Variants in ZNF469 observed in about 807,000 individuals in gnomAD.
ZNF469 encodes zinc finger protein 469.
Under a neutral mutation model 1.0 loss-of-function variants are expected in ZNF469, and 1 was observed. That is an observed-to-expected ratio of 1.00 (90% CI 0.35 to 4.73). The LOEUF (loss-of-function observed/expected upper bound fraction) is 4.73. Ranked by LOEUF, ZNF469 falls within the 30% of genes most tolerant of loss-of-function variation. The pLI, the probability that ZNF469 is intolerant of heterozygous loss-of-function variation, is 0.16. For synonymous variants in ZNF469, 2,703 were observed against 2,363.4 expected, an observed-to-expected ratio of 1.14 and a Z score of -4.17; for missense variants, 6,100 against 5,356.3, an observed-to-expected ratio of 1.14 and a Z score of -4.33.
chr16:88,437,205 C>G lies in ZNF469; in HGVS notation c.9735C>G (p.Ala3245=). 1.3e-6 allele frequency: 2 copies of G among 1,549,454 alleles called. No individual in the cohort carries two copies. Among genetic ancestry groups the G allele is most frequent in the Non-Finnish European group, 1.7e-6 (2 of 1,146,530 alleles). Residue 3245 remains alanine, a synonymous_variant, in exon 3 of 3, where the codon GCC becomes GCG. Coordinates refer to ENST00000565624, the MANE Select transcript of ZNF469 (RefSeq NM_001367624.2). ...AACACCACAGGGGCAAGCGCTCCGC[C>G]GGCAAGGCCGCCGGGAGCCCGGGAG... is the stretch of plus-strand genomic sequence containing the variant. The part of the protein sequence containing the change: ...APKHHRGKRS[A]GKAAGSPGDP...
chr16:88,180,635 G>A, the ZNF469 span, among the ~76,000 whole-genome samples: 6 of 152,122 alleles, frequency 3.9e-5, no homozygotes, highest in East Asian at 1.9e-4. Flanking sequence ...TTAGCCGGGC[G>A]TGGTAGTGGG....
chr16:88,427,261 C>A (rs577811807), intron 2 of ZNF469, among the ~76,000 whole-genome samples, 84 bp from the exon 3 acceptor site: 1 of 152,308 alleles, frequency 6.6e-6, no homozygotes, highest in African/African-American at 2.4e-5. Context: ...CCGGCCACAC[C>A]CGCATGGAGA....
the ZNF469 span, among the ~76,000 whole-genome samples, chr16:88,297,503 C>A: frequency 1.2e-3 from 176 of 152,336 alleles, no homozygotes; most frequent in African/African-American, 4.0e-3. Flanking sequence ...CTCACTGCCG[C>A]TGAGTCTCTC....
chr16:88,375,697 C>A, the ZNF469 span, among the ~76,000 whole-genome samples: 1 of 152,248 alleles, frequency 6.6e-6, no homozygotes, highest in South Asian at 2.1e-4. Flanking sequence ...AGGCATGAGG[C>A]GCACTGTCCT....
chr16:88,256,664 TC>T, the ZNF469 span, among the ~76,000 whole-genome samples: 1 of 152,106 alleles, frequency 6.6e-6, no homozygotes, highest in African/African-American at 2.4e-5. Flanking sequence ...CATTTTGCAT[TC>T]CCATCAGCAA....
chr16:88,279,227 C>G, the ZNF469 span, among the ~76,000 whole-genome samples: 1 of 135,414 alleles, frequency 7.4e-6, no homozygotes, highest in Non-Finnish European at 1.7e-5. Context: ...TTGTAGATAT[C>G]ACTGCACGGT....
At chr16:88,139,872 A>C in the ZNF469 span, among the ~76,000 whole-genome samples, 355 of 152,332 alleles carry the variant, frequency 2.3e-3, 1 homozygote, top group African/African-American at 7.5e-3. Context: ...ACAGAACCCC[A>C]GGCCAGAGGA....
chr16:88,317,701 C>G, the ZNF469 span, among the ~76,000 whole-genome samples: 1 of 152,254 alleles, frequency 6.6e-6, no homozygotes, highest in African/African-American at 2.4e-5. Context: ...GTCCTCTCAA[C>G]CACAGGAAGT....
At chr16:88,330,320 G>C in the ZNF469 span, among the ~76,000 whole-genome samples, 1 of 152,334 alleles carries the variant, frequency 6.6e-6, no homozygotes, top group South Asian at 2.1e-4. Context: ...TGTGTGTACT[G>C]TCGGATACGG....
chr16:88,136,530 C>G, the ZNF469 span, among the ~76,000 whole-genome samples: 1 of 152,228 alleles, frequency 6.6e-6, no homozygotes. Flanking sequence ...GTTGTGTGCT[C>G]CTGGTCAGCA....
the ZNF469 span, among the ~76,000 whole-genome samples, chr16:88,336,321 G>A: frequency 4.1e-5 from 6 of 146,958 alleles, no homozygotes; most frequent in East Asian, 2.0e-4. Flanking sequence ...CATCCTTCAC[G>A]TGAGACACTA....
chr16:88,152,465 C>A, the ZNF469 span, among the ~76,000 whole-genome samples: 1 of 152,098 alleles, frequency 6.6e-6, no homozygotes, highest in Admixed American at 6.5e-5. The surrounding 1 kb of genome is among the most constrained non-coding windows in gnomAD (Gnocchi z 4.2). Context: ...TTTTGGCTGC[C>A]CCCGCGGTCC....
At chr16:88,236,646 C>T in the ZNF469 span, among the ~76,000 whole-genome samples, 1 of 152,214 alleles carries the variant, frequency 6.6e-6, no homozygotes, top group East Asian at 1.9e-4. Flanking sequence ...GCAGGTGGAT[C>T]ACCTGAGGTC....
At chr16:88,368,655 A>T in the ZNF469 span, among the ~76,000 whole-genome samples, 66 of 151,810 alleles carry the variant, frequency 4.3e-4, no homozygotes, top group Non-Finnish European at 1.0e-4. Context: ...TAGCCTGGAG[A>T]GAGAGTGGCC....
At chr16:88,338,505 C>T in the ZNF469 span, among the ~76,000 whole-genome samples, 2 of 152,172 alleles carry the variant, frequency 1.3e-5, no homozygotes, top group Non-Finnish European at 2.9e-5. Context: ...AAGTATTGGG[C>T]CGTCTGTAGA....
the ZNF469 span, among the ~76,000 whole-genome samples, chr16:88,239,687 ATATATATATATATATATATATATATATAT>A: frequency 1.2e-4 from 1 of 8,544 alleles, no homozygotes. Context: ...ATATATATAT[ATATATATATATATATATATATATATATAT>A]TTTTTTTTTT....
chr16:88,436,628 T>C lies in ZNF469; in HGVS notation c.9158T>C (p.Phe3053Ser). The C allele has an allele frequency of 6.5e-7, 1 of 1,550,318 alleles. No homozygotes were observed. Among genetic ancestry groups the C allele is most frequent in the Non-Finnish European group, 8.7e-7 (1 of 1,146,950 alleles). ...ATDFEVLSTKFEMQDLCFLGP... is the reference protein window; with the variant it reads ...ATDFEVLSTKSEMQDLCFLGP... ...GACTTTGAGGTGCTCAGCACCAAGT[T>C]TGAGATGCAAGACCTGTGCTTTCTG... is the stretch of plus-strand genomic sequence containing the variant. Residue 3053 changes from phenylalanine (F) to serine (S), a missense_variant, in exon 3 of 3, where the codon TTT (phenylalanine) becomes TCT (serine). Phe to Ser is a radical substitution (Grantham distance 155). Transcript: ENST00000565624.
chr16:88,119,628 A>C, the ZNF469 span, among the ~76,000 whole-genome samples: 1 of 152,312 alleles, frequency 6.6e-6, no homozygotes, highest in Non-Finnish European at 1.5e-5. Flanking sequence ...GGGTGGAGAC[A>C]CAGGTGCCGG....
chr16:88,240,644 T>C, the ZNF469 span, among the ~76,000 whole-genome samples: 5 of 151,222 alleles, frequency 3.3e-5, no homozygotes, highest in African/African-American at 1.2e-4. Flanking sequence ...GGCTGGAGAG[T>C]GGGTATCTGC....
Sources: allele counts gnomAD v4.1 joint callset (sites outside exome capture counted in the v4.1 genomes callset), GRCh38; gene constraint gnomAD v4.1.1; non-coding constraint Gnocchi (gnomAD v3.1); transcripts MANE v1.5; gene names NCBI Gene and HGNC (gene_info 2026-07-23, HGNC 2026-07-21).